Variants in NTRK1 observed in about 807,000 individuals in gnomAD.
The protein encoded by NTRK1 is high affinity nerve growth factor receptor.
Under a neutral mutation model 86.8 loss-of-function variants are expected in NTRK1, and 62 were observed. The ratio of observed to expected loss-of-function variants is 0.71; its 90% CI spans 0.58 to 0.88. The LOEUF is 0.88. Ranked by LOEUF, NTRK1 falls within the 40% of genes least tolerant of loss-of-function variation. The probability of loss-of-function intolerance (pLI) is 0.00; values close to 1 mark genes in which losing one functional copy is unlikely to be tolerated. For synonymous variants in NTRK1, 469 were observed against 456.6 expected (o/e 1.03, Z -0.35); for missense variants, 967 against 1,078.4 (o/e 0.90, Z 1.45).
intron 2 of NTRK1, chr1:156,844,290 A>C (rs748173098): frequency 1.3e-6 from 2 of 1,599,400 alleles, no homozygotes; most frequent in Non-Finnish European, 8.6e-7. Context: ...TCTGGCAGTC[A>C]GAGGGCAGCA....
chr1:156,841,545 G>A (rs1188051075), intron 1 of NTRK1: 5 of 1,613,898 alleles, frequency 3.1e-6, no homozygotes, highest in Non-Finnish European at 4.2e-6. Context: ...GCATGCAGGA[G>A]CTCCTGAGCC....
chr1:156,822,731 A>C (rs1292463764), intron 1 of NTRK1, among the ~76,000 whole-genome samples: 2 of 151,424 alleles, frequency 1.3e-5, no homozygotes, highest in Admixed American at 6.6e-5. Flanking sequence ...CCCTTCATCT[A>C]GTTTGAGTTG....
rs778757978 is a variant in NTRK1, at chr1:156,852,057, A to T, written c.50+9864A>T. On this transcript the variant is annotated intron_variant, in intron 2 of 16. Transcript: ENST00000392302. ...GTGCCTGGCGGGCAGGCCCACAGGC[A>T]GGCACCCTGGAAGTAGAGGTGGCGG... is the stretch of plus-strand genomic sequence containing the variant. 4.3e-5 allele frequency: 70 copies of T among 1,613,478 alleles called. No individual in the cohort carries two copies. The Admixed American group carries it at 4.5e-4, about 10-fold the overall frequency.
In NTRK1 at chr1:156,830,511, G is replaced by A. The variant is rs900742846; in HGVS notation, c.-63-11570G>A. 6.9e-4 allele frequency among the ~76,000 whole-genome samples: 105 copies of A among 151,826 alleles called. 1 individual carries two copies. The highest frequency in any genetic ancestry group is 4.9e-3 in the Admixed American group (75 of 15,270). ...AAGCTTCAGTTGCTGTCTGGTAAACGGGGGAAGAACACCTTTCTAGAAGAG... is the reference window on the plus strand; with the variant it reads ...AAGCTTCAGTTGCTGTCTGGTAAACAGGGGAAGAACACCTTTCTAGAAGAG... On this transcript the variant is annotated intron_variant, in intron 1 of 16. Coordinates refer to the NTRK1 transcript ENST00000392302.
chr1:156,845,570 C>T, intron 2 of NTRK1: 2 of 1,482,466 alleles, frequency 1.3e-6, no homozygotes, highest in Non-Finnish European at 9.1e-7. Flanking sequence ...ACCCGCCCCT[C>T]ACAGGCCCCA....
At chr1:156,834,785 G>C (rs1219151082) in intron 1 of NTRK1, among the ~76,000 whole-genome samples, 1 of 149,492 alleles carries the variant, frequency 6.7e-6, no homozygotes, top group African/African-American at 2.4e-5. Flanking sequence ...AGTGGCTCTG[G>C]GGGAGGAGAT....
chr1:156,848,957 C>T (rs1655106572), intron 2 of NTRK1: 31 of 1,599,418 alleles, frequency 1.9e-5, no homozygotes, highest in Non-Finnish European at 2.6e-5. Context: ...GAGCAGGTCG[C>T]GGGCCTCCAG....
chr1:156,855,295 C>T (rs1446362695), intron 2 of NTRK1, among the ~76,000 whole-genome samples: 1 of 152,112 alleles, frequency 6.6e-6, no homozygotes, highest in East Asian at 1.9e-4. Context: ...CCTCCATCTC[C>T]TGAGTTCAAG....
chr1:156,843,149 T>C (rs778427329), intron 2 of NTRK1: 1 of 1,614,096 alleles, frequency 6.2e-7, no homozygotes, highest in Non-Finnish European at 8.5e-7. Flanking sequence ...CAGCCCCTCA[T>C]ATACCATCCC....
At chr1:156,823,492 T>C (rs537892839) in intron 1 of NTRK1, among the ~76,000 whole-genome samples, 1 of 152,274 alleles carries the variant, frequency 6.6e-6, no homozygotes, top group East Asian at 1.9e-4. Flanking sequence ...TGAGGCACTG[T>C]GATGTGGGAT....
At chr1:156,858,664 G>T (rs760132338), upstream of NTRK1, 1 of 1,548,236 alleles carries the variant, frequency 6.5e-7, no homozygotes, top group South Asian at 1.1e-5. Context: ...TCTCCTCCCG[G>T]TGACTCTGGG....
intron 1 of NTRK1, among the ~76,000 whole-genome samples, chr1:156,834,766 G>A (rs902064653): frequency 2.0e-5 from 3 of 152,188 alleles, no homozygotes; most frequent in South Asian, 2.1e-4. Context: ...TTCTGGGTAG[G>A]TGGGGAGGAG....
chr1:156,857,891 A>G (rs1053108354), upstream of NTRK1, among the ~76,000 whole-genome samples: 1 of 152,076 alleles, frequency 6.6e-6, no homozygotes, highest in South Asian at 2.1e-4. Flanking sequence ...CAGCACCTCC[A>G]TGAGGGTCAT....
rs1248581561 is a variant in NTRK1, at chr1:156,848,971, C to T, written c.50+6778C>T. The T allele has an allele frequency of 3.1e-6, 5 of 1,607,058 alleles. No homozygotes were observed. In the Admixed American group the frequency reaches 8.5e-5, roughly 27 times the overall value. Reference sequence around the variant, plus strand: ...TGAGCAGGTCGCGGGCCTCCAGTGGCTCATAGCGCTCCCAGCGTAGCAGGA... The same window carrying T: ...TGAGCAGGTCGCGGGCCTCCAGTGGTTCATAGCGCTCCCAGCGTAGCAGGA... On this transcript the variant is annotated intron_variant, in intron 2 of 16. Coordinates refer to the NTRK1 transcript ENST00000392302.
chr1:156,816,810 G>A (rs72698634), intron 1 of NTRK1: 113 of 1,143,564 alleles, frequency 9.9e-5, no homozygotes, highest in Middle Eastern at 4.2e-4. Context: ...CCCTGGCCCC[G>A]GGGGCAGGAA....
At chr1:156,830,666 T>C (rs1031226732) in intron 1 of NTRK1, among the ~76,000 whole-genome samples, 3 of 151,506 alleles carry the variant, frequency 2.0e-5, no homozygotes, top group African/African-American at 7.3e-5. Flanking sequence ...GTGATTCTCT[T>C]GCCTCAACCT....
In NTRK1 at chr1:156,874,567, A is replaced by G. The variant is rs1159415798; in HGVS notation, c.1196-4A>G. 1.9e-6 allele frequency: 3 copies of G among 1,614,118 alleles called. No homozygotes were observed. Among genetic ancestry groups the G allele is most frequent in the South Asian group, 2.2e-5 (2 of 91,076 alleles). On this transcript the variant is annotated splice_region_variant and splice_polypyrimidine_tract_variant and intron_variant, in intron 9 of 16. Transcript: ENST00000524377. ...CTCACCCCTCCTGCCCTGTGTCCCTACAGACACTAACAGCACATCTGGAGA... is the reference window on the plus strand; with the variant it reads ...CTCACCCCTCCTGCCCTGTGTCCCTGCAGACACTAACAGCACATCTGGAGA...
chr1:156,865,022 C>G (rs969067518), intron 3 of NTRK1: 1 of 616,116 alleles, frequency 1.6e-6, no homozygotes, highest in African/African-American at 1.8e-5. Flanking sequence ...TTCCATGGTC[C>G]ATGCTGCAAG....
chr1:156,872,496 ATT>A (rs1287902815), intron 7 of NTRK1, among the ~76,000 whole-genome samples: 1 of 152,100 alleles, frequency 6.6e-6, no homozygotes, highest in Non-Finnish European at 1.5e-5. Context: ...TTCATTCAAC[ATT>A]ATATTTATAA....
Sources: gnomAD v4.1 joint callset for allele counts (sites outside exome capture counted in the v4.1 genomes callset) on GRCh38, gnomAD v4.1.1 for gene constraint, MANE v1.5 for transcripts, NCBI Gene and HGNC (gene_info 2026-07-23, HGNC 2026-07-21) for gene names.